SETX: variants seen among roughly 807,000 people sequenced by gnomAD.
The protein encoded by SETX is senataxin.
SETX carries 90 observed loss-of-function variants against 227.2 expected under a neutral mutation model. The ratio of observed to expected loss-of-function variants is 0.40; its 90% CI spans 0.33 to 0.47. SETX has a LOEUF of 0.47. Ranked by LOEUF, SETX falls within the 20% of genes least tolerant of loss-of-function variation. SETX has a pLI of 0.91. For synonymous variants in SETX, 1,210 were observed against 1,113.2 expected, an observed-to-expected ratio of 1.09 and a Z score of -1.73; for missense variants, 3,052 against 3,181.5, an observed-to-expected ratio of 0.96 and a Z score of 0.98.
rs1017441609 is a variant in SETX at position 132,277,944 on chromosome 9, C to A, written c.6842+126G>T. The A allele has an allele frequency of 2.3e-5, 22 of 966,928 alleles. 1 individual carries two copies. Among genetic ancestry groups the A allele is most frequent in the Admixed American group, 1.0e-4 (5 of 49,180 alleles). The allele number at this position is 966,928 out of a possible 1,614,324, so 59.9% of individuals were successfully genotyped here. On this transcript the variant is annotated intron_variant, in intron 21 of 25. Coordinates refer to ENST00000224140, the MANE Select transcript of SETX (RefSeq NM_015046.7). Reference sequence around the variant, plus strand: ...CAACATGATGGCTATTATAACAGGACAAAATTATTAACCCTTCATGATTTA... The same window carrying A: ...CAACATGATGGCTATTATAACAGGAAAAAATTATTAACCCTTCATGATTTA...
intron 18 of SETX, among the ~76,000 whole-genome samples, chr9:132,283,761 A>G (rs1370888643): frequency 6.6e-6 from 1 of 152,194 alleles, no homozygotes; most frequent in Non-Finnish European, 1.5e-5. Flanking sequence ...CTGAGTTGTG[A>G]ATTATATGAG....
rs117455907 is a variant in SETX at position 132,321,095 on chromosome 9, C to T, written c.5274+5229G>A. Among the ~76,000 whole-genome samples, 141 of 152,318 alleles carry T rather than the reference C, an allele frequency of 9.3e-4. 2 individuals are homozygous for T. In the East Asian group the frequency reaches 0.018, roughly 20 times the overall value. Reference sequence around the variant, plus strand: ...GTTTACACACTGAATGCTCCAACACCTCTCCTCCGTCCCCCACTCCTACCC... The same window carrying T: ...GTTTACACACTGAATGCTCCAACACTTCTCCTCCGTCCCCCACTCCTACCC... On this transcript the variant is annotated intron_variant, in intron 10 of 25. Coordinates refer to ENST00000224140, the MANE Select transcript of SETX (RefSeq NM_015046.7).
chr9:132,306,417 G>A (rs1845338020), intron 11 of SETX, among the ~76,000 whole-genome samples: 1 of 152,162 alleles, frequency 6.6e-6, no homozygotes, highest in South Asian at 2.1e-4. Context: ...TCACCATGCT[G>A]GCCAGGATGG....
At chr9:132,333,555 G>A (rs1172368725) in intron 7 of SETX, among the ~76,000 whole-genome samples, 3 of 150,876 alleles carry the variant, frequency 2.0e-5, no homozygotes, top group Admixed American at 6.6e-5. Context: ...GAGAATGAGG[G>A]GAAAAAATTA....
chr9:132,355,832 A>T (rs188531111), upstream of SETX, among the ~76,000 whole-genome samples: 2 of 152,022 alleles, frequency 1.3e-5, no homozygotes, highest in East Asian at 3.9e-4. Context: ...ACTAAAAATA[A>T]AAAGATTACC....
In SETX at chr9:132,264,692, A is replaced by C; in HGVS notation, c.7581T>G (p.Pro2527=). ...EITLTVTSKD[P]ERPPVHDQLQ... ...GTTGGTCATGAACAGGAGGTCTTTC[A>C]GGGTCCTTTGAAGTAACAGTAAGAG... Residue 2527 remains proline, a synonymous_variant, in exon 26 of 26, where the codon CCT becomes CCG. Coordinates refer to ENST00000224140, the MANE Select transcript of SETX (RefSeq NM_015046.7). 3 of 1,614,228 alleles carry C rather than the reference A, an allele frequency of 1.9e-6. No individual in the cohort carries two copies. Among genetic ancestry groups the C allele is most frequent in the Non-Finnish European group, 2.5e-6 (3 of 1,180,040 alleles).
At position 132,342,792 on chromosome 9, in the gene SETX, T is replaced by C. The variant is rs375232867; in HGVS notation, c.396A>G (p.Leu132=). 59 of 1,612,274 alleles carry C rather than the reference T, an allele frequency of 3.7e-5. No individual in the cohort carries two copies. Among genetic ancestry groups the C allele is most frequent in the Non-Finnish European group, 4.8e-5 (56 of 1,178,740 alleles). ...CCATCCGACAAAGTGCTTCAACACA[T>C]AACTCGTCTAAAAAGAAAAAAATAA... The part of the protein sequence containing the change: ...YLLLHERVNE[L]CVEALCRMEQ... The change falls in exon 5 of 26, where the codon TTA becomes TTG. Residue 132 remains leucine (L), a synonymous_variant. Coordinates refer to ENST00000224140, the MANE Select transcript of SETX (RefSeq NM_015046.7).
chr9:132,322,627 A>G (rs896173496), intron 10 of SETX, among the ~76,000 whole-genome samples: 2 of 152,184 alleles, frequency 1.3e-5, no homozygotes, highest in Non-Finnish European at 2.9e-5. Flanking sequence ...ACTGACACAC[A>G]TTTGGGTTGT....
At chr9:132,305,323 C>T (rs1213635003) in intron 11 of SETX, among the ~76,000 whole-genome samples, 5 of 147,274 alleles carry the variant, frequency 3.4e-5, no homozygotes, top group Admixed American at 2.0e-4. Flanking sequence ...CACTGCACTC[C>T]CGCCTGGGTG....
At chr9:132,297,465 G>C (rs146884661) in intron 13 of SETX, among the ~76,000 whole-genome samples, 1 of 152,204 alleles carries the variant, frequency 6.6e-6, no homozygotes, top group East Asian at 1.9e-4. Context: ...ATGTGATACA[G>C]TGGAAAAAGC....
Position 132,313,223 on chromosome 9 carries a change from T to C in SETX, c.5275-1367A>G, listed in dbSNP as rs374985791. On this transcript the variant is annotated intron_variant, in intron 10 of 25. Coordinates refer to ENST00000224140, the MANE Select transcript of SETX (RefSeq NM_015046.7). The stretch of plus-strand genomic sequence containing the variant: ...CAATTATACACCTTAAAAGGGTATA[T>C]TTTATGGTATAGTATACCTTAATAA... 7.9e-5 allele frequency among the ~76,000 whole-genome samples: 12 copies of C among 152,316 alleles called. No individual in the cohort carries two copies. The South Asian group carries it at 2.5e-3, about 32-fold the overall frequency.
intron 15 of SETX, among the ~76,000 whole-genome samples, chr9:132,293,858 TAA>T (rs1402171260): frequency 2.0e-5 from 3 of 151,972 alleles, no homozygotes; most frequent in African/African-American, 7.2e-5. Flanking sequence ...CCGTCTCTAC[TAA>T]AAAAATACAA....
intron 15 of SETX, among the ~76,000 whole-genome samples, chr9:132,293,159 A>T (rs1398251237): frequency 1.3e-5 from 2 of 152,170 alleles, no homozygotes; most frequent in Non-Finnish European, 2.9e-5. Context: ...ATAATTTACC[A>T]TATTAACAGA....
At chr9:132,334,484 C>G (rs1847465370) in intron 7 of SETX, 124 bp downstream of exon 7, 1 of 1,074,562 alleles carries the variant, frequency 9.3e-7, no homozygotes, top group Non-Finnish European at 1.4e-6. Flanking sequence ...AAGTCTGAAT[C>G]TATTACTAAA....
chr9:132,351,362 G>C (rs1200298020), intron 2 of SETX, among the ~76,000 whole-genome samples: 3 of 152,174 alleles, frequency 2.0e-5, no homozygotes, highest in Admixed American at 6.5e-5. Context: ...CTTACTTGAA[G>C]CTCCAAATGT....
At position 132,264,526 on chromosome 9, in the gene SETX, C is replaced by T. The variant is rs563243036; in HGVS notation, c.7747G>A (p.Asp2583Asn). Reference protein sequence around the residue: ...GEPGFPVVHQDLSHIQQPAAV... With the variant: ...GEPGFPVVHQNLSHIQQPAAV... The stretch of plus-strand genomic sequence containing the variant: ...GCGGGCTGCTGTATATGGCTCAGGT[C>T]CTGGTGAACGACAGGGAAGCCCGGC... Residue 2583 changes from aspartate (D) to asparagine (N), a missense_variant, in exon 26 of 26, where the codon GAC becomes AAC. Physicochemically the swap from Asp to Asn is conservative, Grantham distance 23. Around this residue, in one of 10 missense-constraint regions of SETX, gnomAD observed 294 missense variants for 278.8 expected, o/e 1.05. Coordinates refer to ENST00000224140, the MANE Select transcript of SETX (RefSeq NM_015046.7). The T allele has an allele frequency of 1.2e-6, 2 of 1,613,932 alleles. No homozygotes were observed. Among genetic ancestry groups the T allele is most frequent in the South Asian group, 2.2e-5 (2 of 91,084 alleles).
chr9:132,327,867 T>A lies in SETX; in HGVS notation c.3731A>T (p.Lys1244Ile). The A allele has an allele frequency of 6.2e-7, 1 of 1,614,242 alleles. No individual in the cohort carries two copies. Among genetic ancestry groups the A allele is most frequent in the Non-Finnish European group, 8.5e-7 (1 of 1,180,044 alleles). ...TCCTTTTTTGGCATCTGAATGAGTT[T>A]TCTTAGGGGTCTTAGAAACTGGAAC... is the stretch of plus-strand genomic sequence containing the variant. ...RKVPVSKTPK[K>I]THSDAKKGQN... Residue 1244 changes from lysine (K) to isoleucine (I), a missense_variant, in exon 10 of 26, where the codon AAA becomes ATA. Transcript: ENST00000224140.
rs1842801166 is a variant in SETX, at chr9:132,269,642, G to A, written c.7260C>T (p.Phe2420=). The change falls in exon 25 of 26, where the codon TTC becomes TTT. Residue 2420 remains phenylalanine, a synonymous_variant. Transcript: ENST00000224140. ...TCAGGGTCCTCAAATGTCCGAGGAT[G>A]AAGAGGCTGTACTTGGCTCGTGTGA... ...VTITRAKYSL[F]ILGHLRTLME... 1 of 1,614,236 alleles carries A rather than the reference G, an allele frequency of 6.2e-7. No homozygotes were observed. The highest frequency in any genetic ancestry group is 8.5e-7 in the Non-Finnish European group (1 of 1,180,026).
chr9:132,320,156 T>C (rs1180365255), intron 10 of SETX, among the ~76,000 whole-genome samples: 1 of 152,234 alleles, frequency 6.6e-6, no homozygotes, highest in Admixed American at 6.5e-5. Context: ...TCTGTTCTCA[T>C]TTGTCTTTCG....
Sources: gnomAD v4.1 joint callset for allele counts (sites outside exome capture counted in the v4.1 genomes callset) on GRCh38, gnomAD v4.1.1 for gene constraint, gnomAD v4.1.1 regional missense constraint, MANE v1.5 for transcripts, NCBI Gene and HGNC (gene_info 2026-07-23, HGNC 2026-07-21) for gene names.